The following PFKFB3 variants were observed in gnomAD, a reference collection of about 807,000 sequenced individuals.
PFKFB3 encodes the protein 6-phosphofructo-2-kinase/fructose-2,6-bisphosphatase 3.
In PFKFB3, 33 loss-of-function variants were observed where a neutral mutation model predicts 68.0. That is an observed-to-expected ratio of 0.49 (90% confidence interval 0.37 to 0.65). The LOEUF (loss-of-function observed/expected upper bound fraction) is 0.65. Ranked by LOEUF, PFKFB3 falls within the 30% of genes least tolerant of loss-of-function variation. PFKFB3 has a pLI of 0.00. For synonymous variants in PFKFB3, 315 were observed against 288.2 expected (o/e 1.09, Z -0.94); for missense variants, 586 against 712.2 (o/e 0.82, Z 2.02).
chr10:6,195,364 C>G (rs1034084743), intron 1 of PFKFB3, among the ~76,000 whole-genome samples: 2 of 152,198 alleles, frequency 1.3e-5, no homozygotes, highest in Non-Finnish European at 2.9e-5. Flanking sequence ...TTTTCTTCAT[C>G]TTGTTGTGTC....
At chr10:6,236,073 C>T (rs969593414), downstream of PFKFB3, among the ~76,000 whole-genome samples, 6 of 152,124 alleles carry the variant, frequency 3.9e-5, no homozygotes, top group Non-Finnish European at 5.9e-5. Context: ...GGCCCCACGT[C>T]GGTTTTACTC....
chr10:6,167,815 C>T (rs1588410272), intron 1 of PFKFB3, among the ~76,000 whole-genome samples: 3 of 152,212 alleles, frequency 2.0e-5, no homozygotes, highest in African/African-American at 7.2e-5. Flanking sequence ...TCATTCCTCT[C>T]CTACGCCCTT....
chr10:6,155,871 G>C (rs981492302), intron 1 of PFKFB3, among the ~76,000 whole-genome samples: 1 of 152,198 alleles, frequency 6.6e-6, no homozygotes, highest in Non-Finnish European at 1.5e-5. Flanking sequence ...GAATAAGAAA[G>C]TAGGCTTTAT....
In PFKFB3 at chr10:6,217,169, C is replaced by T. The variant is rs942240402; in HGVS notation, c.476C>T (p.Thr159Ile). 2 of 1,614,116 alleles carry T rather than the reference C, an allele frequency of 1.2e-6. No homozygotes were observed. The highest frequency in any genetic ancestry group is 1.7e-5 in the Admixed American group (1 of 60,028). The change falls in exon 6 of 15, where the codon ACA (threonine) becomes ATA (isoleucine). Residue 159 changes from threonine to isoleucine, a missense_variant. Transcript: ENST00000379775. The part of the protein sequence containing the change: ...FFIESVCDDP[T>I]VVASNIMEVK... ...ATCGAGTCGGTGTGCGACGACCCTACAGTTGTGGCCTCCAATATCATGGTA... is the reference window on the plus strand; with the variant it reads ...ATCGAGTCGGTGTGCGACGACCCTATAGTTGTGGCCTCCAATATCATGGTA...
chr10:6,323,910 A>G, the PFKFB3 span, among the ~76,000 whole-genome samples: 1 of 152,346 alleles, frequency 6.6e-6, no homozygotes, highest in Admixed American at 6.5e-5. Flanking sequence ...TTCTGGGCAT[A>G]TACCCCAAAG....
chr10:6,292,893 A>C, the PFKFB3 span, among the ~76,000 whole-genome samples: 1 of 152,158 alleles, frequency 6.6e-6, no homozygotes, highest in African/African-American at 2.4e-5. Flanking sequence ...ACCTCTATAA[A>C]ACCAGGATAA....
At chr10:6,297,506 C>CT in the PFKFB3 span, among the ~76,000 whole-genome samples, 197 of 146,294 alleles carry the variant, frequency 1.3e-3, no homozygotes, top group African/African-American at 3.9e-3. Flanking sequence ...AGGTGTCCTT[C>CT]TTTTTTTTTT....
At chr10:6,302,169 C>T in the PFKFB3 span, among the ~76,000 whole-genome samples, 9 of 151,662 alleles carry the variant, frequency 5.9e-5, no homozygotes, top group South Asian at 1.5e-3. Flanking sequence ...ATTCTCCTGC[C>T]TCAGCCTCTT....
In PFKFB3 at chr10:6,154,674, C is replaced by T. The variant is rs528997770; in HGVS notation, c.16+9661C>T. On this transcript the variant is annotated intron_variant, in intron 1 of 14. Coordinates refer to the PFKFB3 transcript ENST00000379789. This position sits in a 1 kb window ranked among gnomAD's most constrained non-coding sequence, Gnocchi z 4.6. ...TCTCTGGGCCTGCTGCAGGTGGCTG[C>T]GATCAGGGTGGTGTTGGGGGTGGCT... is the stretch of plus-strand genomic sequence containing the variant. 2.0e-5 allele frequency among the ~76,000 whole-genome samples: 3 copies of T among 152,190 alleles called. No homozygotes were observed. The highest frequency in any genetic ancestry group is 2.1e-4 in the South Asian group (1 of 4,830).
At chr10:6,227,879 G>A (rs1297319153) in intron 14 of PFKFB3, among the ~76,000 whole-genome samples, 8 of 152,166 alleles carry the variant, frequency 5.3e-5, no homozygotes, top group African/African-American at 1.7e-4. Flanking sequence ...TGTGGCATCC[G>A]TTCTGATGGA....
upstream of PFKFB3, among the ~76,000 whole-genome samples, chr10:6,201,594 G>A (rs1283794017): frequency 5.9e-5 from 9 of 151,526 alleles, no homozygotes; most frequent in South Asian, 1.5e-3. The surrounding 1 kb of genome is among the most constrained non-coding windows in gnomAD (Gnocchi z 4.1). Context: ...GGCGGGAGCA[G>A]CCCCGGTCGC....
At chr10:6,146,319 G>T in intron 1 of PFKFB3, 1 of 1,525,634 alleles carries the variant, frequency 6.6e-7, no homozygotes, top group South Asian at 1.2e-5. Context: ...AGGTATCAGC[G>T]TGGGCTCCTG....
chr10:6,219,044 G>A (rs532434323), intron 6 of PFKFB3, among the ~76,000 whole-genome samples: 45 of 152,232 alleles, frequency 3.0e-4, no homozygotes, highest in Non-Finnish European at 5.7e-4. Flanking sequence ...CCCTGCAAAG[G>A]AGCCGGCACA....
At chr10:6,213,897 T>C in intron 2 of PFKFB3, 149 bp downstream of exon 2, 1 of 781,030 alleles carries the variant, frequency 1.3e-6, no homozygotes, top group Non-Finnish European at 2.1e-6. Flanking sequence ...CTGGGTCCCC[T>C]TCACACTGTG....
intron 14 of PFKFB3, among the ~76,000 whole-genome samples, chr10:6,230,984 G>A (rs1459971226): frequency 1.3e-5 from 2 of 152,182 alleles, no homozygotes; most frequent in East Asian, 3.9e-4. Context: ...CCAAAGTGCT[G>A]GGATTACAGA....
chr10:6,277,025 C>A, the PFKFB3 span, among the ~76,000 whole-genome samples: 2 of 152,066 alleles, frequency 1.3e-5, no homozygotes, highest in East Asian at 3.9e-4. Context: ...TGCTGGCAAC[C>A]ACTAACCTGT....
At chr10:6,185,635 G>A (rs918037071) in intron 1 of PFKFB3, among the ~76,000 whole-genome samples, 2 of 94,986 alleles carry the variant, frequency 2.1e-5, no homozygotes, top group Admixed American at 1.1e-4. Flanking sequence ...CTTCCTCCCC[G>A]CTCCTTTTTT....
chr10:6,208,504 A>C (rs774572922), intron 1 of PFKFB3, among the ~76,000 whole-genome samples: 4 of 151,456 alleles, frequency 2.6e-5, no homozygotes, highest in Non-Finnish European at 5.9e-5. Context: ...TCAAATACGG[A>C]TAGAAAGACT....
At chr10:6,188,959 C>A (rs914859984) in intron 1 of PFKFB3, among the ~76,000 whole-genome samples, 1 of 151,588 alleles carries the variant, frequency 6.6e-6, no homozygotes, top group African/African-American at 2.4e-5. Flanking sequence ...CTCAGCCTCC[C>A]GAGTAGCTGG....
Sources: gnomAD v4.1 joint callset for allele counts (sites outside exome capture counted in the v4.1 genomes callset) on GRCh38, gnomAD v4.1.1 for gene constraint, Gnocchi (gnomAD v3.1) non-coding constraint, MANE v1.5 for transcripts, NCBI Gene and HGNC (gene_info 2026-07-23, HGNC 2026-07-21) for gene names.